LCLAT1: variants seen among roughly 807,000 people sequenced by gnomAD.
LCLAT1 encodes 1-AGP acyltransferase 8.
In LCLAT1, 11 loss-of-function variants were observed where a neutral mutation model predicts 30.7. The ratio of observed to expected loss-of-function variants is 0.36; its 90% confidence interval spans 0.23 to 0.59. The LOEUF (loss-of-function observed/expected upper bound fraction) is 0.59, where lower values mean the gene tolerates loss of function less well. Ranked by LOEUF, LCLAT1 falls within the 20% of genes least tolerant of loss-of-function variation. LCLAT1 has a pLI of 0.77. For missense variants in LCLAT1, 402 were observed against 458.6 expected (o/e 0.88, Z 1.13); for synonymous variants, 155 against 151.3 (o/e 1.02, Z -0.18).
At chr2:30,622,090 A>G (rs1234579372) in intron 5 of LCLAT1, among the ~76,000 whole-genome samples, 1 of 152,182 alleles carries the variant, frequency 6.6e-6, no homozygotes, top group Non-Finnish European at 1.5e-5. Flanking sequence ...GGACACGGCA[A>G]GAGTGAGACC....
chr2:30,507,793 TAGA>T (rs1684742957), intron 1 of LCLAT1, among the ~76,000 whole-genome samples: 1 of 152,200 alleles, frequency 6.6e-6, no homozygotes, highest in Non-Finnish European at 1.5e-5. Context: ...GTCTTTATGA[TAGA>T]AGAATTTATA....
rs187586171 is a variant in LCLAT1, at chr2:30,508,107, G to T, written c.-4-17480G>T. Among the ~76,000 whole-genome samples the T allele has an allele frequency of 1.8e-4, 27 of 152,164 alleles. 1 individual carries two copies. The highest frequency in any genetic ancestry group is 1.1e-3 in the Admixed American group (17 of 15,270). On this transcript the variant is annotated intron_variant, in intron 1 of 5. Transcript: ENST00000379509. ...GTATGTCTTCTTTTGAAAAGTGTCTGTTCATGTCTTTTGCGCACTTTTTAA... is the reference window on the plus strand; with the variant it reads ...GTATGTCTTCTTTTGAAAAGTGTCTTTTCATGTCTTTTGCGCACTTTTTAA...
In LCLAT1 at chr2:30,628,279, C is replaced by T. The variant is rs561745264; in HGVS notation, c.629-11838C>T. ...TAGAAGACATAAAATAAGATTTGAG[C>T]AAAAGGAAAGAAAAAGCATACCATT... is the stretch of plus-strand genomic sequence containing the variant. On this transcript the variant is annotated intron_variant, in intron 5 of 5. Coordinates refer to ENST00000379509, the MANE Select transcript of LCLAT1 (RefSeq NM_001002257.3). Among the ~76,000 whole-genome samples the T allele has an allele frequency of 2.0e-5, 3 of 152,094 alleles. No individual in the cohort carries two copies. In the East Asian group the frequency reaches 5.8e-4, roughly 29 times the overall value.
chr2:30,596,923 T>C (rs990944481), intron 5 of LCLAT1, among the ~76,000 whole-genome samples: 2 of 130,296 alleles, frequency 1.5e-5, no homozygotes, highest in Admixed American at 1.7e-4. Context: ...TGCTTGTTTT[T>C]GTCAGGTTTG....
At chr2:30,612,203 T>A (rs550719082) in intron 5 of LCLAT1, among the ~76,000 whole-genome samples, 6 of 152,200 alleles carry the variant, frequency 3.9e-5, no homozygotes, top group African/African-American at 1.4e-4. Context: ...AGAGAGAAAA[T>A]GAAGCAAGCA....
intron 5 of LCLAT1, chr2:30,606,022 G>A (rs1337649630): frequency 7.7e-7 from 1 of 1,298,948 alleles, no homozygotes; most frequent in Middle Eastern, 2.1e-4. Flanking sequence ...TCAGGCAGGA[G>A]GCAGAGCGAG....
At chr2:30,635,628 C>G (rs1018057591) in intron 5 of LCLAT1, among the ~76,000 whole-genome samples, 1 of 152,094 alleles carries the variant, frequency 6.6e-6, no homozygotes, top group African/African-American at 2.4e-5. Flanking sequence ...CCCTTTCCCC[C>G]TTCACAAGAT....
chr2:30,457,398 A>C (rs544626525), intron 1 of LCLAT1, among the ~76,000 whole-genome samples: 1 of 152,146 alleles, frequency 6.6e-6, no homozygotes, highest in Admixed American at 6.5e-5. Context: ...GGCTAGAGCA[A>C]TTTTCTTGGT....
chr2:30,604,432 G>A (rs1017732119), intron 5 of LCLAT1, among the ~76,000 whole-genome samples: 3 of 152,058 alleles, frequency 2.0e-5, no homozygotes, highest in Non-Finnish European at 2.9e-5. Context: ...CCATATGGTC[G>A]CTTTCCAAAC....
At chr2:30,525,096 C>G (rs1169874644) in intron 1 of LCLAT1, among the ~76,000 whole-genome samples, 1 of 151,712 alleles carries the variant, frequency 6.6e-6, no homozygotes, top group East Asian at 1.9e-4. Context: ...GATATTTGCT[C>G]TGTTGAGAGT....
intron 5 of LCLAT1, among the ~76,000 whole-genome samples, chr2:30,614,381 T>C (rs1330329805): frequency 6.6e-6 from 1 of 151,628 alleles, no homozygotes; most frequent in African/African-American, 2.4e-5. Flanking sequence ...GAGTCTCCTA[T>C]GTCTACTTCT....
At chr2:30,523,993 G>A (rs1172555310) in intron 1 of LCLAT1, among the ~76,000 whole-genome samples, 11 of 152,158 alleles carry the variant, frequency 7.2e-5, no homozygotes, top group Admixed American at 7.2e-4. Flanking sequence ...AATGTATTCT[G>A]TTTCCTGTTG....
chr2:30,598,094 GAA>G (rs1360157140), intron 5 of LCLAT1, among the ~76,000 whole-genome samples: 1 of 152,106 alleles, frequency 6.6e-6, no homozygotes, highest in Non-Finnish European at 1.5e-5. Flanking sequence ...ATATTGGCCT[GAA>G]GTTTTCTTTT....
intron 5 of LCLAT1, among the ~76,000 whole-genome samples, chr2:30,604,385 T>C (rs1014877707): frequency 6.6e-6 from 1 of 152,114 alleles, no homozygotes; most frequent in Admixed American, 6.6e-5. Context: ...GCGTTTTCTG[T>C]AGAGGGCCAG....
At chr2:30,585,732 G>A (rs1418942328) in intron 5 of LCLAT1, among the ~76,000 whole-genome samples, 2 of 152,012 alleles carry the variant, frequency 1.3e-5, no homozygotes, top group African/African-American at 2.4e-5. Flanking sequence ...CCAAACTCTT[G>A]CTAGTATTTG....
chr2:30,447,968 G>C (rs1049548946), intron 1 of LCLAT1, among the ~76,000 whole-genome samples: 2 of 151,382 alleles, frequency 1.3e-5, no homozygotes, highest in African/African-American at 4.9e-5. Context: ...TAGCCAGGGC[G>C]GATGCCAAAC....
At chr2:30,566,132 G>T (rs566919483) in intron 4 of LCLAT1, among the ~76,000 whole-genome samples, 1 of 152,178 alleles carries the variant, frequency 6.6e-6, no homozygotes, top group African/African-American at 2.4e-5. Flanking sequence ...GAAGTAGGGG[G>T]TAGATGGAAA....
chr2:30,632,524 A>G (rs899837676), intron 5 of LCLAT1, among the ~76,000 whole-genome samples: 3 of 152,240 alleles, frequency 2.0e-5, no homozygotes, highest in Non-Finnish European at 2.9e-5. Context: ...CATGCCCTAT[A>G]ACAGACTTCA....
intron 5 of LCLAT1, among the ~76,000 whole-genome samples, chr2:30,630,336 C>G (rs1668710787): frequency 6.6e-6 from 1 of 152,116 alleles, no homozygotes; most frequent in Non-Finnish European, 1.5e-5. Flanking sequence ...CTTGAGGATA[C>G]AATTGTCTAT....
Sources: gnomAD v4.1 joint callset for allele counts (sites outside exome capture counted in the v4.1 genomes callset) on GRCh38, gnomAD v4.1.1 for gene constraint, MANE v1.5 for transcripts, NCBI Gene and HGNC (gene_info 2026-07-23, HGNC 2026-07-21) for gene names.